Variants in RIT2 observed in about 807,000 individuals in gnomAD.
The protein encoded by RIT2 is Ras like without CAAX 2.
RIT2 carries 24 observed loss-of-function variants against 23.7 expected under a neutral mutation model. The observed-to-expected ratio is 1.01, with a 90% CI of 0.73 to 1.43. RIT2 has a LOEUF of 1.43. Ranked by LOEUF, RIT2 falls within the 40% of genes most tolerant of loss-of-function variation. The probability of loss-of-function intolerance (pLI) is 0.00; values close to 1 mark genes in which losing one functional copy is unlikely to be tolerated. For synonymous variants in RIT2, 107 were observed against 91.1 expected, an observed-to-expected ratio of 1.17 and a Z score of -0.99; for missense variants, 236 against 266.9, an observed-to-expected ratio of 0.88 and a Z score of 0.81.
At chr18:42,835,601 A>G (rs918845578) in intron 4 of RIT2, among the ~76,000 whole-genome samples, 2 of 152,164 alleles carry the variant, frequency 1.3e-5, no homozygotes, top group African/African-American at 4.8e-5. Flanking sequence ...AAGCACAAAT[A>G]AAGTTGGAAT....
chr18:43,057,797 A>ATTTTTTTTTTTTTTTTTTT (rs1306990856), intron 1 of RIT2, among the ~76,000 whole-genome samples: 1 of 85,026 alleles, frequency 1.2e-5, no homozygotes, highest in African/African-American at 5.8e-5. Context: ...AGTGATGGAC[A>ATTTTTTTTTTTTTTTTTTT]CTTTTTTTTT....
chr18:43,085,205 G>A (rs1598776990), intron 1 of RIT2, among the ~76,000 whole-genome samples: 1 of 151,914 alleles, frequency 6.6e-6, no homozygotes, highest in Non-Finnish European at 1.5e-5. Context: ...ATTTATTAAT[G>A]TATTAATTTT....
At chr18:43,052,307 T>C (rs560555541) in intron 1 of RIT2, among the ~76,000 whole-genome samples, 8 of 152,232 alleles carry the variant, frequency 5.3e-5, no homozygotes, top group African/African-American at 1.9e-4. Context: ...GAAATTTAAT[T>C]AGGATTGTGT....
intron 4 of RIT2, among the ~76,000 whole-genome samples, chr18:42,890,090 T>A (rs1908129570): frequency 6.6e-6 from 1 of 152,100 alleles, no homozygotes; most frequent in South Asian, 2.1e-4. Flanking sequence ...GATTTGGGCA[T>A]CATTTCTGGC....
intron 4 of RIT2, among the ~76,000 whole-genome samples, chr18:42,899,342 C>G (rs1346317423): frequency 6.6e-6 from 1 of 150,992 alleles, no homozygotes; most frequent in Non-Finnish European, 1.5e-5. Context: ...AAAATGAGTG[C>G]TTTCCTTGGT....
chr18:43,061,824 C>T (rs1912653693), intron 1 of RIT2, among the ~76,000 whole-genome samples: 1 of 152,138 alleles, frequency 6.6e-6, no homozygotes, highest in African/African-American at 2.4e-5. Flanking sequence ...ACTCACTCTA[C>T]AGCATCTGAG....
At chr18:42,871,200 C>T (rs903631497) in intron 4 of RIT2, among the ~76,000 whole-genome samples, 1 of 152,206 alleles carries the variant, frequency 6.6e-6, no homozygotes, top group African/African-American at 2.4e-5. Context: ...AACCCTGTTG[C>T]ATTCATCAGC....
At chr18:43,104,703 GTAAA>G (rs1217127011) in intron 1 of RIT2, among the ~76,000 whole-genome samples, 2 of 151,722 alleles carry the variant, frequency 1.3e-5, no homozygotes, top group Admixed American at 1.3e-4. Flanking sequence ...TTTCTAAACA[GTAAA>G]TAAATAAATA....
rs530377385 is a variant in RIT2, at chr18:42,760,750, C to A, written c.427-17030G>T. 3.2e-4 allele frequency among the ~76,000 whole-genome samples: 48 copies of A among 152,202 alleles called. 1 individual carries two copies. In the South Asian group the frequency reaches 9.5e-3, roughly 30 times the overall value. On this transcript the variant is annotated intron_variant, in intron 4 of 4. Transcript: ENST00000326695. Reference sequence around the variant, plus strand: ...ATGATTGATATAATAAACAGAAGGCCATTTGCTTCTTATGCACTAAATGCA... The same window carrying A: ...ATGATTGATATAATAAACAGAAGGCAATTTGCTTCTTATGCACTAAATGCA...
chr18:42,765,865 C>A (rs142708169), intron 4 of RIT2, among the ~76,000 whole-genome samples: 1 of 151,934 alleles, frequency 6.6e-6, no homozygotes, highest in Admixed American at 6.6e-5. Flanking sequence ...TGGTCTTTCC[C>A]GTGCTATTCT....
chr18:42,748,111 A>T (rs1598638584), intron 4 of RIT2, among the ~76,000 whole-genome samples: 1 of 152,126 alleles, frequency 6.6e-6, no homozygotes, highest in Non-Finnish European at 1.5e-5. Flanking sequence ...CAACCCACAG[A>T]GTGGGAGAAA....
intron 1 of RIT2, among the ~76,000 whole-genome samples, chr18:43,099,780 C>T (rs946681987): frequency 6.6e-6 from 1 of 152,046 alleles, no homozygotes; most frequent in Non-Finnish European, 1.5e-5. Flanking sequence ...TAATCCATTT[C>T]AATTGATGGC....
Position 42,986,548 on chromosome 18 carries a change from C to T in RIT2, c.161-12401G>A, listed in dbSNP as rs535221633. On this transcript the variant is annotated intron_variant, in intron 2 of 4. Coordinates refer to ENST00000326695, the MANE Select transcript of RIT2 (RefSeq NM_002930.4). ...ATGGCGTCTTGCTTTGTCACCCAGG[C>T]GGGAGTGCAGTGGCATGATCTCAGC... Among the ~76,000 whole-genome samples, 39 of 151,956 alleles carry T rather than the reference C, an allele frequency of 2.6e-4. No individual in the cohort carries two copies. In the South Asian group the frequency reaches 3.7e-3, roughly 15 times the overall value.
chr18:42,990,163 C>A (rs1056511885), intron 2 of RIT2, among the ~76,000 whole-genome samples: 3 of 151,824 alleles, frequency 2.0e-5, no homozygotes, highest in Non-Finnish European at 4.4e-5. Context: ...AATTTGAAGG[C>A]CTGAGAATCA....
intron 4 of RIT2, among the ~76,000 whole-genome samples, chr18:42,802,960 G>C (rs1479158168): frequency 6.6e-6 from 1 of 152,088 alleles, no homozygotes; most frequent in Non-Finnish European, 1.5e-5. Flanking sequence ...AGTCTTTAGA[G>C]AGTAATGGCT....
intron 4 of RIT2, among the ~76,000 whole-genome samples, chr18:42,795,654 C>A (rs1047194112): frequency 4.6e-5 from 7 of 152,358 alleles, no homozygotes; most frequent in African/African-American, 1.7e-4. Flanking sequence ...CACCTGCAGC[C>A]CGGGTGCGGG....
intron 4 of RIT2, among the ~76,000 whole-genome samples, chr18:42,789,574 T>C (rs1913996172): frequency 6.6e-6 from 1 of 152,192 alleles, no homozygotes; most frequent in Non-Finnish European, 1.5e-5. Context: ...TCCCAGGTAT[T>C]TTTTTAGAGA....
chr18:43,049,026 T>C (rs1347948951), intron 1 of RIT2, among the ~76,000 whole-genome samples: 1 of 152,180 alleles, frequency 6.6e-6, no homozygotes, highest in African/African-American at 2.4e-5. Context: ...ATTTATTACT[T>C]GGTTAGGGTT....
intron 1 of RIT2, among the ~76,000 whole-genome samples, chr18:43,094,123 G>GTTTTTTTT (rs376144367): frequency 5.2e-5 from 6 of 116,046 alleles, no homozygotes; most frequent in African/African-American, 9.7e-5. Context: ...GGTTTTTTTT[G>GTTTTTTTT]TTTTTTTTTT....
Sources: allele counts gnomAD v4.1 joint callset (sites outside exome capture counted in the v4.1 genomes callset), GRCh38; gene constraint gnomAD v4.1.1; transcripts MANE v1.5; gene names NCBI Gene and HGNC (gene_info 2026-07-23, HGNC 2026-07-21).